ZNF385D: variants seen among roughly 807,000 people sequenced by gnomAD.
ZNF385D encodes zinc finger protein 659.
ZNF385D carries 15 observed loss-of-function variants against 35.8 expected under a neutral mutation model. The observed-to-expected ratio is 0.42, with a 90% confidence interval of 0.28 to 0.64. ZNF385D has a LOEUF of 0.64. Among genes scored for constraint, ZNF385D ranks in the 30% least tolerant of loss-of-function variants. The probability of loss-of-function intolerance (pLI) is 0.23; values close to 1 mark genes in which losing one functional copy is unlikely to be tolerated. For synonymous variants in ZNF385D, 212 were observed against 186.8 expected (o/e 1.13, Z -1.10); for missense variants, 474 against 494.6 (o/e 0.96, Z 0.39).
chr3:21,829,516 G>C (rs1221256392), intron 3 of ZNF385D, among the ~76,000 whole-genome samples: 3 of 152,046 alleles, frequency 2.0e-5, no homozygotes, highest in Admixed American at 1.3e-4. Flanking sequence ...ATGATAAAAA[G>C]CTTGAATTTT....
chr3:22,364,094 A>G (rs1696540529), intron 2 of ZNF385D, among the ~76,000 whole-genome samples: 1 of 152,216 alleles, frequency 6.6e-6, no homozygotes, highest in Non-Finnish European at 1.5e-5. Context: ...TAGTTATTTC[A>G]TAATCATTCT....
rs150351931 is a variant in ZNF385D, at chr3:22,322,138, C to A, written c.106+50312G>T. Among the ~76,000 whole-genome samples, 309 of 152,202 alleles carry A rather than the reference C, an allele frequency of 2.0e-3. 2 individuals carry two copies. Among genetic ancestry groups the A allele is most frequent in the African/African-American group, 7.2e-3 (298 of 41,536 alleles). The stretch of plus-strand genomic sequence containing the variant: ...TTTAGTTTCATTCACACTTTTATAT[C>A]ATATTTCTAGGCAATATATCTTTAC... On this transcript the variant is annotated intron_variant, in intron 2 of 5. Transcript: ENST00000494108.
At chr3:21,422,853 C>T (rs533834435) in intron 7 of ZNF385D, among the ~76,000 whole-genome samples, 8 of 152,180 alleles carry the variant, frequency 5.3e-5, no homozygotes, top group South Asian at 2.1e-4. Flanking sequence ...TAATAAGAGC[C>T]GTGTATGACA....
intron 3 of ZNF385D, among the ~76,000 whole-genome samples, chr3:22,018,144 T>A (rs1213140452): frequency 2.0e-5 from 3 of 151,796 alleles, no homozygotes; most frequent in Non-Finnish European, 4.4e-5. Context: ...CCATTTTTAT[T>A]GTTTAAAAAA....
chr3:22,363,339 T>C (rs1214792970), intron 2 of ZNF385D, among the ~76,000 whole-genome samples: 1 of 152,142 alleles, frequency 6.6e-6, no homozygotes, highest in Admixed American at 6.5e-5. Context: ...CCGCACCCAC[T>C]GTCAAAAGCA....
At chr3:22,115,098 A>C (rs1702740928) in intron 3 of ZNF385D, among the ~76,000 whole-genome samples, 1 of 152,066 alleles carries the variant, frequency 6.6e-6, no homozygotes, top group Admixed American at 6.6e-5. Context: ...ACTCACTGGC[A>C]CTTCTAAACT....
At chr3:21,841,049 G>C (rs1232641523) in intron 3 of ZNF385D, among the ~76,000 whole-genome samples, 1 of 151,992 alleles carries the variant, frequency 6.6e-6, no homozygotes, top group Non-Finnish European at 1.5e-5. Flanking sequence ...TAGACATACA[G>C]ATGGTAAGAG....
At chr3:21,511,056 AG>A in intron 3 of ZNF385D, 33 bp from the exon 4 acceptor site, 1 of 1,612,446 alleles carries the variant, frequency 6.2e-7, no homozygotes, top group Non-Finnish European at 8.5e-7. Context: ...CCATGCAATC[AG>A]GCTCATTTCT....
At chr3:21,920,575 G>C (rs749607495) in intron 3 of ZNF385D, among the ~76,000 whole-genome samples, 6 of 142,358 alleles carry the variant, frequency 4.2e-5, no homozygotes, top group Admixed American at 7.2e-5. Context: ...GATCATTCTG[G>C]AAGAATGCAT....
chr3:22,045,375 G>T (rs1576219777), intron 3 of ZNF385D, among the ~76,000 whole-genome samples: 1 of 152,104 alleles, frequency 6.6e-6, no homozygotes, highest in Non-Finnish European at 1.5e-5. Context: ...TAAAGGAGAG[G>T]GGCTCTTGAG....
chr3:22,207,546 T>C (rs1183801166), intron 2 of ZNF385D, among the ~76,000 whole-genome samples: 2 of 151,870 alleles, frequency 1.3e-5, no homozygotes. Context: ...ATTTCTTGAA[T>C]AGTACACAGC....
chr3:21,762,578 T>C (rs2070666421), intron 3 of ZNF385D, among the ~76,000 whole-genome samples: 1 of 152,210 alleles, frequency 6.6e-6, no homozygotes. Flanking sequence ...TTTGGCAAAA[T>C]TAATATGTCT....
At chr3:21,791,293 CAAT>C (rs1454544599) in intron 3 of ZNF385D, among the ~76,000 whole-genome samples, 1 of 152,028 alleles carries the variant, frequency 6.6e-6, no homozygotes, top group Non-Finnish European at 1.5e-5. Flanking sequence ...TTAACAACAA[CAAT>C]AACCCAAAAA....
chr3:22,360,484 T>A (rs1288388337), intron 2 of ZNF385D, among the ~76,000 whole-genome samples: 1 of 151,972 alleles, frequency 6.6e-6, no homozygotes, highest in Non-Finnish European at 1.5e-5. Flanking sequence ...CCACTCTGTT[T>A]TCTATATACT....
chr3:22,096,283 G>A (rs948990574), intron 3 of ZNF385D, among the ~76,000 whole-genome samples: 1 of 151,704 alleles, frequency 6.6e-6, no homozygotes, highest in Non-Finnish European at 1.5e-5. Context: ...ATATACCCAG[G>A]TATCAAACCT....
At chr3:21,939,142 A>C (rs531386085) in intron 3 of ZNF385D, among the ~76,000 whole-genome samples, 2 of 152,230 alleles carry the variant, frequency 1.3e-5, no homozygotes, top group Non-Finnish European at 2.9e-5. Flanking sequence ...TGTCATTACT[A>C]GGGCAAGAAT....
intron 3 of ZNF385D, among the ~76,000 whole-genome samples, chr3:22,125,994 C>T (rs112929249): frequency 0.012 from 1,789 of 152,154 alleles, 16 homozygotes; most frequent in Middle Eastern, 0.02. Flanking sequence ...GTGTTCCAGA[C>T]ATTAGAGAAA....
At chr3:22,011,123 GTTTGA>G (rs1457815673) in intron 3 of ZNF385D, among the ~76,000 whole-genome samples, 1 of 152,002 alleles carries the variant, frequency 6.6e-6, no homozygotes, top group Non-Finnish European at 1.5e-5. Flanking sequence ...ATTTCTTAGA[GTTTGA>G]TTTATTTTTG....
intron 3 of ZNF385D, among the ~76,000 whole-genome samples, chr3:21,961,089 G>T (rs1372638277): frequency 3.9e-5 from 6 of 151,980 alleles, no homozygotes; most frequent in African/African-American, 1.4e-4. Context: ...ATAACACAAA[G>T]AAATAATAAA....
Sources: gnomAD v4.1 joint callset for allele counts (sites outside exome capture counted in the v4.1 genomes callset) on GRCh38, gnomAD v4.1.1 for gene constraint, MANE v1.5 for transcripts, NCBI Gene and HGNC (gene_info 2026-07-23, HGNC 2026-07-21) for gene names.